The following ZZEF1 variants were observed in gnomAD, a reference collection of about 807,000 sequenced individuals.
The protein encoded by ZZEF1 is zinc finger ZZ-type and EF-hand domain-containing protein 1.
A neutral mutation model predicts 342.8 loss-of-function variants in ZZEF1; 157 were observed. The observed-to-expected ratio is 0.46, with a 90% CI of 0.40 to 0.52. The LOEUF is 0.52. Ranked by LOEUF, ZZEF1 falls within the 20% of genes least tolerant of loss-of-function variation. ZZEF1 has a pLI of 0.00. For synonymous variants in ZZEF1, 1,505 were observed against 1,429.1 expected, an observed-to-expected ratio of 1.05 and a Z score of -1.20; for missense variants, 3,480 against 3,725.6, an observed-to-expected ratio of 0.93 and a Z score of 1.72.
intron 11 of ZZEF1, among the ~76,000 whole-genome samples, chr17:4,092,207 T>G (rs1328629149): frequency 6.6e-6 from 1 of 151,958 alleles, no homozygotes; most frequent in Non-Finnish European, 1.5e-5. Context: ...GGCGACACAT[T>G]AGTATTTTAT....
At chr17:4,062,344 C>T (rs1368644485) in intron 30 of ZZEF1, among the ~76,000 whole-genome samples, 2 of 151,326 alleles carry the variant, frequency 1.3e-5, no homozygotes, top group Non-Finnish European at 2.9e-5. Flanking sequence ...TTGTCTACTG[C>T]TGCATAACAC....
chr17:4,024,017 C>G (rs543087945), intron 43 of ZZEF1, among the ~76,000 whole-genome samples: 1 of 152,084 alleles, frequency 6.6e-6, no homozygotes, highest in Non-Finnish European at 1.5e-5. Context: ...TTCCACCGAA[C>G]AGCCTTCAAC....
intron 37 of ZZEF1, among the ~76,000 whole-genome samples, chr17:4,046,326 T>C (rs1323636091): frequency 6.6e-6 from 1 of 152,144 alleles, no homozygotes; most frequent in Non-Finnish European, 1.5e-5. Flanking sequence ...ATCCCCCCAG[T>C]GACTGTTTGC....
intron 44 of ZZEF1, chr17:4,022,438 T>G: frequency 2.8e-6 from 1 of 355,666 alleles, no homozygotes; most frequent in South Asian, 4.8e-5. Context: ...TATACTTTAT[T>G]ACCATGATAT....
chr17:4,081,959 G>T (rs572800219), intron 17 of ZZEF1, among the ~76,000 whole-genome samples: 2 of 152,146 alleles, frequency 1.3e-5, no homozygotes, highest in African/African-American at 4.8e-5. Flanking sequence ...AGTCGCTAAG[G>T]ATATTAGTTC....
chr17:4,019,599 G>A, intron 46 of ZZEF1, 70 bp downstream of exon 46: 2 of 1,387,164 alleles, frequency 1.4e-6, no homozygotes, highest in Non-Finnish European at 2.0e-6. Flanking sequence ...GCTGCCAGGA[G>A]GCGCACACCC....
intron 44 of ZZEF1, 109 bp from the exon 45 acceptor site, chr17:4,021,429 T>C: frequency 2.7e-6 from 2 of 749,840 alleles, no homozygotes; most frequent in Non-Finnish European, 4.0e-6. Flanking sequence ...CATCAGAATC[T>C]ACCTGAAGAA....
intron 42 of ZZEF1, among the ~76,000 whole-genome samples, chr17:4,029,390 AT>A (rs1181232411): frequency 1.3e-5 from 2 of 152,102 alleles, no homozygotes; most frequent in East Asian, 1.9e-4. Flanking sequence ...GAAAAAAAAA[AT>A]CACAAGATAA....
At chr17:4,141,860 G>C (rs551204074) in intron 1 of ZZEF1, among the ~76,000 whole-genome samples, 3 of 152,276 alleles carry the variant, frequency 2.0e-5, no homozygotes, top group African/African-American at 7.2e-5. Context: ...AAAATATTTT[G>C]TTGCCAAATC....
chr17:4,016,431 G>A lies in ZZEF1; in HGVS notation c.8037C>T (p.Asp2679=), dbSNP rs770206046. Residue 2679 remains aspartate, a synonymous_variant, in exon 49 of 55, where the codon GAC becomes GAT. Coordinates refer to ENST00000381638, the MANE Select transcript of ZZEF1 (RefSeq NM_015113.4). This position sits in a 1 kb window ranked among gnomAD's most constrained non-coding sequence, Gnocchi z 4.4. ...CAGCCAGGGCCATGGTCCCCAGCATGTCCTCTCGGCAGCCCTGGAGCACTT... is the reference window on the plus strand; with the variant it reads ...CAGCCAGGGCCATGGTCCCCAGCATATCCTCTCGGCAGCCCTGGAGCACTT... ...LQKVLQGCRE[D]MLGTMALAAC... The A allele has an allele frequency of 1.2e-6, 2 of 1,613,728 alleles. No homozygotes were observed. The highest frequency in any genetic ancestry group is 2.2e-5 in the South Asian group (2 of 91,078).
In ZZEF1 at chr17:4,088,676, A is replaced by G. The variant is rs1478575559; in HGVS notation, c.2241+2T>C. On this transcript the variant is annotated splice_donor_variant, in intron 13 of 54. Coordinates refer to ENST00000381638, the MANE Select transcript of ZZEF1 (RefSeq NM_015113.4). LOFTEE classifies it high-confidence loss of function. The stretch of plus-strand genomic sequence containing the variant: ...GCCGTCTAACAACTGAGGAAGCCCT[A>G]CCAGGTCATGGGCGAGCTGCTGGAT... The G allele has an allele frequency of 6.2e-7, 1 of 1,613,406 alleles. No homozygotes were observed. The highest frequency in any genetic ancestry group is 8.5e-7 in the Non-Finnish European group (1 of 1,179,950).
At chr17:4,110,863 C>T (rs936550664) in intron 5 of ZZEF1, among the ~76,000 whole-genome samples, 2 of 151,894 alleles carry the variant, frequency 1.3e-5, no homozygotes, top group South Asian at 2.1e-4. Context: ...TACAGGCATG[C>T]GCCACCACGC....
At chr17:4,022,240 G>A (rs2056290329) in intron 44 of ZZEF1, among the ~76,000 whole-genome samples, 1 of 152,162 alleles carries the variant, frequency 6.6e-6, no homozygotes, top group Non-Finnish European at 1.5e-5. Flanking sequence ...CCGAAAGTTG[G>A]CACTGGGCAC....
At chr17:4,083,206 A>C (rs554107702) in intron 16 of ZZEF1, among the ~76,000 whole-genome samples, 1 of 152,384 alleles carries the variant, frequency 6.6e-6, no homozygotes, top group South Asian at 2.1e-4. Flanking sequence ...GAAGGTTGGC[A>C]GTGCTATTTA....
Position 4,032,880 on chromosome 17 carries a change from T to TTTC in ZZEF1, c.6706_6707insGAA (p.Gln2236delinsArgLys), listed in dbSNP as rs759771098. ...GGTGAAGATGTTGGTGTGCTTCAGC[T>TTTC]GGAATGGCAGCTGCTTGATGCAGTG... On this transcript the variant is annotated protein_altering_variant, in exon 41 of 55. Coordinates refer to ENST00000381638, the MANE Select transcript of ZZEF1 (RefSeq NM_015113.4). 6.2e-7 allele frequency: 1 copy of TTTC among 1,614,170 alleles called. No homozygotes were observed. Among genetic ancestry groups the TTTC allele is most frequent in the Non-Finnish European group, 8.5e-7 (1 of 1,180,022 alleles).
At chr17:4,065,463 G>C (rs959437997) in intron 28 of ZZEF1, among the ~76,000 whole-genome samples, 1 of 151,116 alleles carries the variant, frequency 6.6e-6, no homozygotes, top group African/African-American at 2.4e-5. Context: ...TGACAGAATA[G>C]AAGAACAGAA....
At chr17:4,085,145 G>A (rs1056477388) in intron 16 of ZZEF1, among the ~76,000 whole-genome samples, 1 of 152,032 alleles carries the variant, frequency 6.6e-6, no homozygotes, top group Non-Finnish European at 1.5e-5. Context: ...GGTGGTATTA[G>A]TTTTACAGAT....
chr17:4,028,955 A>G (rs369029801), intron 42 of ZZEF1, among the ~76,000 whole-genome samples: 2 of 152,246 alleles, frequency 1.3e-5, no homozygotes, highest in Admixed American at 1.3e-4. Flanking sequence ...AGAATGAGGA[A>G]TATCATTAGG....
Position 4,142,574 on chromosome 17 carries a change from C to T in ZZEF1, c.322G>A (p.Gly108Ser), listed in dbSNP as rs2058879940. 3 of 1,603,540 alleles carry T rather than the reference C, an allele frequency of 1.9e-6. No individual in the cohort carries two copies. The highest frequency in any genetic ancestry group is 2.5e-6 in the Non-Finnish European group (3 of 1,179,614). ...AACTGCTCGCTAGAGCAGCCGGCGC[C>T]GCGAGCCTCCAGCAGCTCCCGGAAC... is the stretch of plus-strand genomic sequence containing the variant. ...EQFRELLEARGAGCSSEQFEE... is the reference protein window; with the variant it reads ...EQFRELLEARSAGCSSEQFEE... The change falls in exon 1 of 55, where the codon GGC becomes AGC. Residue 108 changes from glycine (G) to serine (S), a missense_variant. Physicochemically the swap from Gly to Ser is moderately conservative, Grantham distance 56. Around this residue, in one of 5 missense-constraint regions of ZZEF1, gnomAD observed 416 missense variants for 374.2 expected, o/e 1.11. Coordinates refer to ENST00000381638, the MANE Select transcript of ZZEF1 (RefSeq NM_015113.4).
Sources: allele counts gnomAD v4.1 joint callset (sites outside exome capture counted in the v4.1 genomes callset), GRCh38; gene constraint gnomAD v4.1.1; regional missense constraint gnomAD v4.1.1; non-coding constraint Gnocchi (gnomAD v3.1); transcripts MANE v1.5; gene names NCBI Gene and HGNC (gene_info 2026-07-23, HGNC 2026-07-21).